Variants in TRPM3 observed in about 807,000 individuals in gnomAD.
TRPM3 encodes long transient receptor potential channel 3.
Under a neutral mutation model 181.2 loss-of-function variants are expected in TRPM3, and 77 were observed. The observed-to-expected ratio is 0.42, with a 90% CI of 0.35 to 0.51. The LOEUF (loss-of-function observed/expected upper bound fraction) is 0.51. TRPM3 is among the 20% of genes least tolerant of loss of function. The pLI, the probability that TRPM3 is intolerant of heterozygous loss-of-function variation, is 0.01. For missense variants in TRPM3, 1,759 were observed against 2,196.7 expected, an observed-to-expected ratio of 0.80 and a Z score of 3.98; for synonymous variants, 745 against 796.4, an observed-to-expected ratio of 0.94 and a Z score of 1.09.
intron 1 of TRPM3, among the ~76,000 whole-genome samples, chr9:71,186,313 A>G (rs974601604): frequency 3.9e-5 from 6 of 152,078 alleles, no homozygotes; most frequent in Non-Finnish European, 8.8e-5. Context: ...GTTATTTACT[A>G]TATCAAAAAC....
At chr9:71,439,657 G>A (rs2094105600) in intron 1 of TRPM3, among the ~76,000 whole-genome samples, 1 of 151,942 alleles carries the variant, frequency 6.6e-6, no homozygotes, top group Non-Finnish European at 1.5e-5. Context: ...AAATGGCATG[G>A]GGATATTTTA....
In TRPM3 at chr9:71,120,579, A is replaced by C. The variant is rs528832840; in HGVS notation, c.177+599T>G. ...AATATATGTTTAACAATACTTTCCC[A>C]CTACTGATTCCACTCAGGAGACTCA... On this transcript the variant is annotated intron_variant, in intron 1 of 25. Coordinates refer to ENST00000677713, the MANE Select transcript of TRPM3 (RefSeq NM_001366145.2). Among the ~76,000 whole-genome samples, 3 of 152,282 alleles carry C rather than the reference A, an allele frequency of 2.0e-5. No homozygotes were observed. The South Asian group carries it at 6.2e-4, about 32-fold the overall frequency.
chr9:71,278,334 T>A (rs1372817902), intron 1 of TRPM3, among the ~76,000 whole-genome samples: 1 of 152,130 alleles, frequency 6.6e-6, no homozygotes, highest in Non-Finnish European at 1.5e-5. Flanking sequence ...CACTTGGCCA[T>A]GCCAAAGAGG....
chr9:70,839,895 G>A (rs1439568776), intron 5 of TRPM3, among the ~76,000 whole-genome samples: 12 of 152,090 alleles, frequency 7.9e-5, no homozygotes. Flanking sequence ...TTTATTACAT[G>A]TGATTTTTAT....
At chr9:71,359,351 G>T (rs2132716623) in intron 1 of TRPM3, among the ~76,000 whole-genome samples, 1 of 152,338 alleles carries the variant, frequency 6.6e-6, no homozygotes, top group Admixed American at 6.5e-5. Flanking sequence ...TAATGACCAA[G>T]TATGGCTGCA....
chr9:70,639,476 G>T lies in TRPM3; in HGVS notation c.1447-282C>A, dbSNP rs924829475. Reference sequence around the variant, plus strand: ...GTTCTGGATCCCAAGAAGGTGCAAGGGTTCACAAGGTTTTTCCCCTTGCAA... The same window carrying T: ...GTTCTGGATCCCAAGAAGGTGCAAGTGTTCACAAGGTTTTTCCCCTTGCAA... On this transcript the variant is annotated intron_variant, in intron 10 of 25. Coordinates refer to ENST00000677713, the MANE Select transcript of TRPM3 (RefSeq NM_001366145.2). 3.9e-5 allele frequency among the ~76,000 whole-genome samples: 6 copies of T among 152,202 alleles called. No homozygotes were observed. The South Asian group carries it at 6.2e-4, about 16-fold the overall frequency.
At chr9:71,300,511 A>G (rs527463452) in intron 1 of TRPM3, among the ~76,000 whole-genome samples, 24 of 151,968 alleles carry the variant, frequency 1.6e-4, no homozygotes, top group Non-Finnish European at 3.5e-4. Flanking sequence ...TTGACATTAA[A>G]CTTTTTTTTT....
chr9:71,002,672 C>G (rs142237479), intron 1 of TRPM3, among the ~76,000 whole-genome samples: 1 of 152,180 alleles, frequency 6.6e-6, no homozygotes, highest in East Asian at 1.9e-4. Flanking sequence ...TTATTTTTAA[C>G]ATTATTGAAA....
At chr9:70,609,413 A>G (rs2132979005) in intron 19 of TRPM3, among the ~76,000 whole-genome samples, 1 of 152,346 alleles carries the variant, frequency 6.6e-6, no homozygotes, top group African/African-American at 2.4e-5. Context: ...CACTGAAAAC[A>G]TCTAATATTT....
At chr9:71,400,940 G>A (rs2093328360) in intron 1 of TRPM3, among the ~76,000 whole-genome samples, 1 of 152,126 alleles carries the variant, frequency 6.6e-6, no homozygotes, top group African/African-American at 2.4e-5. Context: ...GCTCATGCCT[G>A]TAATCCCAGC....
chr9:70,567,265 T>C (rs2050853959), intron 22 of TRPM3, among the ~76,000 whole-genome samples: 1 of 152,252 alleles, frequency 6.6e-6, no homozygotes, highest in Non-Finnish European at 1.5e-5. Context: ...TCATAAAGTA[T>C]GTAAAGAGAA....
chr9:70,685,199 A>G (rs1160092870), intron 8 of TRPM3, among the ~76,000 whole-genome samples: 1 of 152,216 alleles, frequency 6.6e-6, no homozygotes, highest in African/African-American at 2.4e-5. Flanking sequence ...ATCAAAATCA[A>G]GAAATTTTAT....
At chr9:71,101,639 A>C (rs2134061258) in intron 1 of TRPM3, among the ~76,000 whole-genome samples, 1 of 152,342 alleles carries the variant, frequency 6.6e-6, no homozygotes, top group Non-Finnish European at 1.5e-5. Context: ...CAATCTGCAC[A>C]GGAAATAAAC....
chr9:71,048,129 G>C (rs2059671219), intron 1 of TRPM3, among the ~76,000 whole-genome samples: 1 of 151,934 alleles, frequency 6.6e-6, no homozygotes. Flanking sequence ...TACTCTTAAT[G>C]GCAAAACCAC....
At chr9:70,974,654 A>T (rs1478880517) in intron 1 of TRPM3, among the ~76,000 whole-genome samples, 1 of 150,486 alleles carries the variant, frequency 6.6e-6, no homozygotes, top group African/African-American at 2.4e-5. Flanking sequence ...GCTAGAACCC[A>T]GGAGGCGGGG....
chr9:70,903,230 G>T (rs1040297841), intron 1 of TRPM3, among the ~76,000 whole-genome samples: 1 of 152,192 alleles, frequency 6.6e-6, no homozygotes, highest in African/African-American at 2.4e-5. Context: ...CAGACAATGT[G>T]CTAGAAGCCT....
chr9:70,657,932 A>G (rs1252747680), intron 9 of TRPM3, among the ~76,000 whole-genome samples: 1 of 152,142 alleles, frequency 6.6e-6, no homozygotes, highest in Non-Finnish European at 1.5e-5. Flanking sequence ...GAGAGAGAAA[A>G]TAAATTCAGT....
At chr9:70,559,992 C>G (rs1269437556) in intron 22 of TRPM3, among the ~76,000 whole-genome samples, 6 of 152,124 alleles carry the variant, frequency 3.9e-5, no homozygotes, top group Non-Finnish European at 8.8e-5. Flanking sequence ...CCCAGAAAAT[C>G]CTGGTCCTAG....
chr9:71,089,260 C>T (rs766626916), intron 1 of TRPM3, among the ~76,000 whole-genome samples: 1 of 149,526 alleles, frequency 6.7e-6, no homozygotes, highest in African/African-American at 2.4e-5. Context: ...GCTATATAGT[C>T]TCTATATCAC....
Sources: gnomAD v4.1 joint callset for allele counts (sites outside exome capture counted in the v4.1 genomes callset) on GRCh38, gnomAD v4.1.1 for gene constraint, MANE v1.5 for transcripts, NCBI Gene and HGNC (gene_info 2026-07-23, HGNC 2026-07-21) for gene names.